NCOA2: variants seen among roughly 807,000 people sequenced by gnomAD.
The protein encoded by NCOA2 is class E basic helix-loop-helix protein 75.
NCOA2 carries 21 observed loss-of-function variants against 145.1 expected under a neutral mutation model. The ratio of observed to expected loss-of-function variants is 0.14; its 90% CI spans 0.10 to 0.21. NCOA2 has a LOEUF of 0.21. Among genes scored for constraint, NCOA2 ranks in the 10% least tolerant of loss-of-function variants. The probability of loss-of-function intolerance (pLI) is 1.00; values close to 1 mark genes in which losing one functional copy is unlikely to be tolerated. For missense variants in NCOA2, 1,472 were observed against 1,837.6 expected (o/e 0.80, Z 3.64); for synonymous variants, 619 against 637.5 (o/e 0.97, Z 0.44).
At chr8:70,305,927 C>A (rs1286344952) in intron 1 of NCOA2, among the ~76,000 whole-genome samples, 1 of 152,136 alleles carries the variant, frequency 6.6e-6, no homozygotes, top group Non-Finnish European at 1.5e-5. Context: ...ACATTTTAAT[C>A]AACTTTCTGT....
At chr8:70,441,744 G>A in the NCOA2 span, among the ~76,000 whole-genome samples, 2 of 137,290 alleles carry the variant, frequency 1.5e-5, no homozygotes, top group East Asian at 4.4e-4. Flanking sequence ...AAAGAAACAG[G>A]AAAGAGAGAA....
intron 2 of NCOA2, among the ~76,000 whole-genome samples, chr8:70,250,704 TTAATCTA>T (rs57451010): frequency 0.028 from 4,336 of 152,308 alleles, 220 homozygotes; most frequent in African/African-American, 0.097. Context: ...TGACAAATCT[TTAATCTA>T]TAAAGATTTC....
chr8:70,391,808 T>C (rs1464487464), intron 1 of NCOA2, among the ~76,000 whole-genome samples: 1 of 152,182 alleles, frequency 6.6e-6, no homozygotes, highest in Admixed American at 6.5e-5. Flanking sequence ...AAAACAAAGC[T>C]GTAACAGCCA....
At chr8:70,417,208 G>T in the NCOA2 span, among the ~76,000 whole-genome samples, 6 of 131,674 alleles carry the variant, frequency 4.6e-5, no homozygotes, top group African/African-American at 1.2e-4. Flanking sequence ...AGGAGCTTGA[G>T]ATCAGCCTGG....
Position 70,112,253 on chromosome 8 carries a change from A to C in NCOA2, c.*1379T>G, listed in dbSNP as rs1806606410. 5.0e-6 allele frequency: 1 copy of C among 199,846 alleles called. No individual in the cohort carries two copies. Among genetic ancestry groups the C allele is most frequent in the Non-Finnish European group, 1.0e-5 (1 of 96,744 alleles). The allele number at this position is 199,846 out of a possible 1,614,324, so 12.4% of individuals were successfully genotyped here. On this transcript the variant is annotated 3_prime_UTR_variant, in exon 23 of 23. Transcript: ENST00000452400. ...AAGGCATTGATATCCTTTACAAAACACCTTTAGGAGACATTGCTATGAAGA... is the reference window on the plus strand; with the variant it reads ...AAGGCATTGATATCCTTTACAAAACCCCTTTAGGAGACATTGCTATGAAGA...
chr8:70,128,605 A>C, intron 17 of NCOA2, 95 bp from the exon 18 acceptor site: 4 of 1,590,386 alleles, frequency 2.5e-6, no homozygotes, highest in Non-Finnish European at 3.4e-6. Flanking sequence ...CCAACCCAGT[A>C]TCTGCACATT....
intron 1 of NCOA2, among the ~76,000 whole-genome samples, chr8:70,387,841 T>A (rs910938981): frequency 6.6e-5 from 10 of 152,074 alleles, no homozygotes; most frequent in African/African-American, 2.4e-4. Context: ...TGTGAGGAAG[T>A]CCAAGCAGGT....
At chr8:70,301,637 C>A (rs1017566581) in intron 1 of NCOA2, among the ~76,000 whole-genome samples, 2 of 113,832 alleles carry the variant, frequency 1.8e-5, no homozygotes, top group African/African-American at 7.2e-5. Flanking sequence ...GCCTAGGTGA[C>A]AGAGTGAGAC....
intron 2 of NCOA2, among the ~76,000 whole-genome samples, chr8:70,258,491 T>C (rs2977979): frequency 0.99 from 150,624 of 152,286 alleles, 74,498 homozygotes; most frequent in East Asian, 1. Context: ...AGAGGGGAGA[T>C]AGGAAATCTG....
At chr8:70,350,319 A>G (rs1809064700) in intron 1 of NCOA2, among the ~76,000 whole-genome samples, 1 of 152,246 alleles carries the variant, frequency 6.6e-6, no homozygotes, top group South Asian at 2.1e-4. Flanking sequence ...CAAATATACC[A>G]CTGAAAACTA....
At chr8:70,296,900 T>C (rs1018067776) in intron 1 of NCOA2, 100 bp from the exon 2 acceptor site, 1 of 152,234 alleles carries the variant, frequency 6.6e-6, no homozygotes, top group Admixed American at 6.5e-5. Context: ...AAAGTAATAC[T>C]TGTTAATTGC....
At chr8:70,142,805 GATTTT>G (rs1388789305) in intron 13 of NCOA2, among the ~76,000 whole-genome samples, 3 of 152,046 alleles carry the variant, frequency 2.0e-5, no homozygotes, top group African/African-American at 7.2e-5. Flanking sequence ...GGGAAAAAGG[GATTTT>G]ATTTTTTTAA....
At chr8:70,438,914 T>G in the NCOA2 span, among the ~76,000 whole-genome samples, 1 of 152,214 alleles carries the variant, frequency 6.6e-6, no homozygotes, top group Non-Finnish European at 1.5e-5. Flanking sequence ...CTATAGGCCC[T>G]ACATTCCAAT....
chr8:70,113,639 T>C lies in NCOA2; in HGVS notation c.4388A>G (p.Tyr1463Cys). ...CAACTGGCTTCAGCAGTGTCAGCAA[T>C]ATTTCTGTAGGAAAACAGATAAAAA... is the stretch of plus-strand genomic sequence containing the variant. ...IKQEGDTTRK[Y>C]C is the part of the protein sequence containing the mutation. The change falls in exon 23 of 23, where the codon TAT becomes TGT. Residue 1463 changes from tyrosine (Y) to cysteine (C), a missense_variant. Physicochemically the swap from Tyr to Cys is radical, Grantham distance 194. This residue lies in a region of NCOA2 where 232 missense variants were observed against 290.6 expected (regional missense o/e 0.80). Transcript: ENST00000452400. 6.4e-7 allele frequency: 1 copy of C among 1,551,904 alleles called. No individual in the cohort carries two copies. The highest frequency in any genetic ancestry group is 8.7e-7 in the Non-Finnish European group (1 of 1,147,058).
chr8:70,165,324 ACAG>A (rs542109885), intron 7 of NCOA2, among the ~76,000 whole-genome samples: 1 of 152,226 alleles, frequency 6.6e-6, no homozygotes, highest in Non-Finnish European at 1.5e-5. Flanking sequence ...AATGCCAACC[ACAG>A]TTCAGCATAT....
chr8:70,407,849 G>C (rs1304972923), upstream of NCOA2, among the ~76,000 whole-genome samples: 1 of 152,006 alleles, frequency 6.6e-6, no homozygotes, highest in East Asian at 1.9e-4. Context: ...ATAAATGAAT[G>C]AATGGGCTCC....
chr8:70,373,752 A>AT (rs1193505431), intron 1 of NCOA2, among the ~76,000 whole-genome samples: 1 of 152,172 alleles, frequency 6.6e-6, no homozygotes, highest in Non-Finnish European at 1.5e-5. Context: ...GACAAGGTTC[A>AT]TTTTTTCCCA....
intron 2 of NCOA2, among the ~76,000 whole-genome samples, chr8:70,240,674 G>T (rs1050526192): frequency 1.3e-5 from 2 of 152,176 alleles, no homozygotes; most frequent in African/African-American, 4.8e-5. Context: ...TGTTGACTGT[G>T]AGTGCAATCT....
upstream of NCOA2, among the ~76,000 whole-genome samples, chr8:70,405,215 G>A (rs926606645): frequency 2.0e-5 from 3 of 152,066 alleles, no homozygotes; most frequent in African/African-American, 7.2e-5. Flanking sequence ...AAATTTGTGG[G>A]TGTACCGCCA....
Sources: gnomAD v4.1 joint callset for allele counts (sites outside exome capture counted in the v4.1 genomes callset) on GRCh38, gnomAD v4.1.1 for gene constraint, gnomAD v4.1.1 regional missense constraint, MANE v1.5 for transcripts, NCBI Gene and HGNC (gene_info 2026-07-23, HGNC 2026-07-21) for gene names.